Variants in ATP7A observed in about 807,000 individuals in gnomAD.
ATP7A encodes the protein copper-transporting ATPase 1.
Under a neutral mutation model 83.5 loss-of-function variants are expected in ATP7A, and 7 were observed. That is an observed-to-expected ratio of 0.08 (90% CI 0.05 to 0.16). The LOEUF is 0.16. Among genes scored for constraint, ATP7A ranks in the 10% least tolerant of loss-of-function variants. The pLI is 1.00. For synonymous variants in ATP7A, 354 were observed against 395.2 expected, an observed-to-expected ratio of 0.90 and a Z score of 1.24; for missense variants, 940 against 1,120.8, an observed-to-expected ratio of 0.84 and a Z score of 2.30.
chrX:78,025,334 C>T (rs187925340), intron 14 of ATP7A, among the ~76,000 whole-genome samples: 1 of 112,122 alleles, frequency 8.9e-6, no homozygotes, highest in East Asian at 2.8e-4. Context: ...TCTAGCAGTA[C>T]AAAAAGTGTT....
At chrX:77,974,033 G>T (rs2077563086) in intron 2 of ATP7A, among the ~76,000 whole-genome samples, 1 of 111,150 alleles carries the variant, frequency 9.0e-6, no homozygotes, top group East Asian at 2.8e-4. Flanking sequence ...TCATTATGAG[G>T]TTTTTATATG....
intron 12 of ATP7A, among the ~76,000 whole-genome samples, chrX:78,019,111 C>A (rs930001022): frequency 1.8e-5 from 2 of 112,180 alleles, no homozygotes; most frequent in Admixed American, 1.9e-4. Context: ...ACTTTTATCA[C>A]TGGAGATTAT....
intron 12 of ATP7A, among the ~76,000 whole-genome samples, chrX:78,017,765 C>CTTTTTTTTTTT (rs1176316040): frequency 8.7e-4 from 40 of 45,853 alleles, no homozygotes; most frequent in African/African-American, 1.0e-3. Flanking sequence ...TTTCTTGTTT[C>CTTTTTTTTTTT]TTTTTTTTTT....
intron 1 of ATP7A, chrX:77,962,493 A>T (rs932723034): frequency 8.4e-6 from 2 of 238,639 alleles, no homozygotes; most frequent in Non-Finnish European, 1.6e-5. Flanking sequence ...GTTTTGTCCA[A>T]TTCTTTGTTT....
intron 1 of ATP7A, among the ~76,000 whole-genome samples, chrX:77,929,828 ATCT>A (rs781944861): frequency 2.4e-4 from 27 of 110,779 alleles, no homozygotes; most frequent in African/African-American, 7.5e-4. Context: ...TACCAGAATC[ATCT>A]TCTATTTTAA....
At chrX:77,938,535 T>C (rs1393054084) in intron 1 of ATP7A, among the ~76,000 whole-genome samples, 4 of 112,700 alleles carry the variant, frequency 3.5e-5, no homozygotes, top group African/African-American at 1.3e-4. Flanking sequence ...AACAGTCTGC[T>C]AGAACTAGAC....
At chrX:77,940,043 T>G (rs1483947519) in intron 1 of ATP7A, among the ~76,000 whole-genome samples, 3 of 110,486 alleles carry the variant, frequency 2.7e-5, no homozygotes, top group African/African-American at 9.8e-5. Context: ...AAGGTTCATA[T>G]GAAAGAGTAA....
In ATP7A at chrX:77,942,778, A is replaced by G. The variant is rs185696617; in HGVS notation, c.-21-28843A>G. The stretch of plus-strand genomic sequence containing the variant: ...TCTCTGAAAGTATTATTTTCTTTTC[A>G]CAAATGGATTTTTCTAGCTTTTGTT... On this transcript the variant is annotated intron_variant, in intron 1 of 22. Transcript: ENST00000341514. 5.5e-5 allele frequency among the ~76,000 whole-genome samples: 6 copies of G among 109,770 alleles called. No homozygotes were observed. In the East Asian group the frequency reaches 1.7e-3, roughly 31 times the overall value.
chrX:77,984,324 A>T (rs1052646476), intron 2 of ATP7A, among the ~76,000 whole-genome samples: 12 of 109,879 alleles, frequency 1.1e-4, no homozygotes, highest in African/African-American at 4.0e-4. Context: ...TGTTGAATAC[A>T]TAAGTACCTT....
chrX:77,931,808 C>G (rs1480309169), intron 1 of ATP7A, among the ~76,000 whole-genome samples: 2 of 100,464 alleles, frequency 2.0e-5, no homozygotes, highest in Non-Finnish European at 4.1e-5. Flanking sequence ...GGGCGGCTGG[C>G]CGGGCGGGGG....
intron 17 of ATP7A, among the ~76,000 whole-genome samples, chrX:78,037,043 G>A (rs180776568): frequency 8.9e-6 from 1 of 111,832 alleles, no homozygotes; most frequent in Admixed American, 9.5e-5. Flanking sequence ...GAAGGATGGA[G>A]TTATCATTTA....
chrX:78,020,508 T>G, intron 13 of ATP7A, 110 bp downstream of exon 13: 1 of 948,400 alleles, frequency 1.1e-6, no homozygotes, highest in South Asian at 2.1e-5. Flanking sequence ...TGCATTAATA[T>G]GGAGTTCGTT....
intron 2 of ATP7A, among the ~76,000 whole-genome samples, chrX:77,981,422 G>A (rs1309137542): frequency 8.9e-6 from 1 of 112,114 alleles, no homozygotes; most frequent in Non-Finnish European, 1.9e-5. Context: ...GGTGTAAAGA[G>A]GGACTTTCAC....
At chrX:77,939,790 C>T (rs1557225455) in intron 1 of ATP7A, among the ~76,000 whole-genome samples, 1 of 109,578 alleles carries the variant, frequency 9.1e-6, no homozygotes, top group Non-Finnish European at 1.9e-5. Context: ...TATACACCAA[C>T]AATAATCATC....
chrX:77,969,294 C>G (rs2077530095), intron 1 of ATP7A: 1 of 1,209,982 alleles, frequency 8.3e-7, no homozygotes. Flanking sequence ...AGGAGCGCCT[C>G]CAGATCTTCA....
chrX:77,925,643 C>T (rs2077237968), intron 1 of ATP7A, among the ~76,000 whole-genome samples: 1 of 111,511 alleles, frequency 9.0e-6, no homozygotes, highest in South Asian at 3.8e-4. Context: ...ATCATCAGTA[C>T]CCATGCCCTT....
In ATP7A at chrX:77,989,665, C is replaced by G; in HGVS notation, c.1043C>G (p.Thr348Arg). 3.3e-6 allele frequency: 4 copies of G among 1,211,427 alleles called. No homozygotes were observed. The highest frequency in any genetic ancestry group is 3.4e-6 in the Non-Finnish European group (3 of 895,208). ...CCGGGGCTATATAGAGTTAGTATCA[C>G]AAGTGAAGTTGAGAGTACCTCAAAC... Reference protein sequence around the residue: ...VSPGLYRVSITSEVESTSNSP... With the variant: ...VSPGLYRVSIRSEVESTSNSP... Residue 348 changes from threonine to arginine, a missense_variant, in exon 4 of 23, where the codon ACA (threonine) becomes AGA (arginine). Transcript: ENST00000341514.
At chrX:77,961,103 AC>A (rs2077471972) in intron 1 of ATP7A, among the ~76,000 whole-genome samples, 1 of 112,068 alleles carries the variant, frequency 8.9e-6, no homozygotes, top group Non-Finnish European at 1.9e-5. Flanking sequence ...TGAAAAAAAA[AC>A]AATGCAGGTG....
intron 19 of ATP7A, among the ~76,000 whole-genome samples, chrX:78,041,080 A>G (rs1198336444): frequency 9.0e-6 from 1 of 110,768 alleles, no homozygotes; most frequent in Non-Finnish European, 1.9e-5. Context: ...AGCTCCACAC[A>G]CATCCCTCTC....
Sources: allele counts gnomAD v4.1 joint callset (sites outside exome capture counted in the v4.1 genomes callset), GRCh38; gene constraint gnomAD v4.1.1; transcripts MANE v1.5; gene names NCBI Gene and HGNC (gene_info 2026-07-23, HGNC 2026-07-21).